Variants in LOC128462377 observed in about 807,000 individuals in gnomAD.
At chr16:89,365,704 G>A in the LOC128462377 span, among the ~76,000 whole-genome samples, 2 of 152,188 alleles carry the variant, frequency 1.3e-5, no homozygotes, top group Non-Finnish European at 2.9e-5. Context: ...TCTCTCCGCA[G>A]AAACCCAACG....
the LOC128462377 span, among the ~76,000 whole-genome samples, chr16:89,341,882 CA>C: frequency 4.5e-4 from 65 of 145,922 alleles, 2 homozygotes; most frequent in African/African-American, 1.6e-3. Flanking sequence ...CGGCCCACGG[CA>C]GGAGTGCTGC....
the LOC128462377 span, among the ~76,000 whole-genome samples, chr16:89,387,542 G>A: frequency 1.3e-5 from 2 of 151,800 alleles, no homozygotes; most frequent in Admixed American, 6.6e-5. Flanking sequence ...GCGTGGTGGC[G>A]GGCGCCTGTA....
the LOC128462377 span, among the ~76,000 whole-genome samples, chr16:89,383,408 C>T: frequency 1.3e-5 from 2 of 152,218 alleles, no homozygotes; most frequent in Non-Finnish European, 2.9e-5. Flanking sequence ...CATGGCTGTC[C>T]CCACACTCTG....
chr16:89,354,682 G>C, the LOC128462377 span, among the ~76,000 whole-genome samples: 4 of 152,192 alleles, frequency 2.6e-5, no homozygotes, highest in Non-Finnish European at 4.4e-5. Context: ...AGGAGTTCAA[G>C]ACCAGCCTGG....
chr16:89,341,608 C>T, the LOC128462377 span, among the ~76,000 whole-genome samples: 1 of 152,250 alleles, frequency 6.6e-6, no homozygotes, highest in African/African-American at 2.4e-5. Context: ...GCCTCCTCTC[C>T]CACCCCATCC....
the LOC128462377 span, among the ~76,000 whole-genome samples, chr16:89,318,323 G>A: frequency 6.6e-6 from 1 of 152,176 alleles, no homozygotes; most frequent in Non-Finnish European, 1.5e-5. Flanking sequence ...CGAGAGGAAT[G>A]GGGGACACAC....
At chr16:89,369,141 C>CA in the LOC128462377 span, among the ~76,000 whole-genome samples, 2 of 152,184 alleles carry the variant, frequency 1.3e-5, no homozygotes, top group Non-Finnish European at 2.9e-5. Flanking sequence ...GGACCAACCA[C>CA]ACCAGATCAC....
At chr16:89,337,289 G>C in the LOC128462377 span, among the ~76,000 whole-genome samples, 1 of 151,878 alleles carries the variant, frequency 6.6e-6, no homozygotes, top group African/African-American at 2.4e-5. Context: ...GAAAGGAGAG[G>C]ACTTCAGGTG....
the LOC128462377 span, among the ~76,000 whole-genome samples, chr16:89,343,506 C>T: frequency 1.6e-4 from 25 of 152,096 alleles, no homozygotes; most frequent in Admixed American, 1.2e-3. Context: ...AGTGAGTGAG[C>T]GAGCAAATGA....
chr16:89,397,049 G>A, the LOC128462377 span, among the ~76,000 whole-genome samples: 2 of 151,718 alleles, frequency 1.3e-5, no homozygotes, highest in African/African-American at 4.8e-5. Flanking sequence ...AGAATGTGCT[G>A]CTTATATGCA....
the LOC128462377 span, among the ~76,000 whole-genome samples, chr16:89,399,515 G>A: frequency 6.6e-6 from 1 of 152,168 alleles, no homozygotes; most frequent in African/African-American, 2.4e-5. Context: ...AGGGAGGGAC[G>A]GAGGGATGTG....
the LOC128462377 span, among the ~76,000 whole-genome samples, chr16:89,364,675 A>C: frequency 1.3e-5 from 2 of 152,164 alleles, no homozygotes; most frequent in Non-Finnish European, 2.9e-5. Context: ...AAAAAATCTC[A>C]TAACGTTTAC....
the LOC128462377 span, among the ~76,000 whole-genome samples, chr16:89,410,510 C>T: frequency 1.3e-5 from 2 of 152,124 alleles, no homozygotes; most frequent in Admixed American, 6.5e-5. Context: ...CGCAGAGCCA[C>T]GGAAGGGAAA....
chr16:89,385,899 G>A, the LOC128462377 span, among the ~76,000 whole-genome samples: 13 of 152,198 alleles, frequency 8.5e-5, no homozygotes, highest in African/African-American at 1.7e-4. Context: ...TAGGCAACCC[G>A]GTGGTCCCCA....
the LOC128462377 span, among the ~76,000 whole-genome samples, chr16:89,387,444 G>A: frequency 1.3e-5 from 2 of 150,232 alleles, no homozygotes; most frequent in African/African-American, 2.5e-5. Flanking sequence ...AGGCTGAGGC[G>A]GGCAGATCAC....
chr16:89,365,071 A>C, the LOC128462377 span, among the ~76,000 whole-genome samples: 1 of 152,206 alleles, frequency 6.6e-6, no homozygotes, highest in Non-Finnish European at 1.5e-5. Flanking sequence ...AAAATAATCA[A>C]GATTTAATAA....
chr16:89,388,574 G>T, the LOC128462377 span, among the ~76,000 whole-genome samples: 3 of 152,156 alleles, frequency 2.0e-5, no homozygotes, highest in South Asian at 6.2e-4. Context: ...CTGCATGTGT[G>T]TCTCTGACTG....
the LOC128462377 span, among the ~76,000 whole-genome samples, chr16:89,327,879 T>C: frequency 1.3e-5 from 2 of 152,142 alleles, no homozygotes; most frequent in African/African-American, 4.8e-5. Context: ...AAGAAAAAAC[T>C]GATAAACGAC....
At chr16:89,369,181 T>C in the LOC128462377 span, among the ~76,000 whole-genome samples, 1 of 152,080 alleles carries the variant, frequency 6.6e-6, no homozygotes, top group South Asian at 2.1e-4. Context: ...CAAGAAGTTT[T>C]CCCAAGAGAG....
Sources: allele counts gnomAD v4.1 joint callset (sites outside exome capture counted in the v4.1 genomes callset), GRCh38; gene constraint gnomAD v4.1.1; transcripts MANE v1.5.